TTC28: variants seen among roughly 807,000 people sequenced by gnomAD.
TTC28 encodes the protein tetratricopeptide repeat protein 28.
A neutral mutation model predicts 198.0 loss-of-function variants in TTC28; 61 were observed. That is an observed-to-expected ratio of 0.31 (90% confidence interval 0.25 to 0.38). The LOEUF (loss-of-function observed/expected upper bound fraction) is 0.38, where lower values mean the gene tolerates loss of function less well. TTC28 is among the 10% of genes least tolerant of loss of function. TTC28 has a pLI of 1.00. For synonymous variants in TTC28, 1,171 were observed against 1,297.8 expected (o/e 0.90, Z 2.10); for missense variants, 2,678 against 3,164.0 (o/e 0.85, Z 3.69).
At chr22:28,229,054 G>C (rs1008854895) in intron 5 of TTC28, among the ~76,000 whole-genome samples, 5 of 152,036 alleles carry the variant, frequency 3.3e-5, no homozygotes, top group Admixed American at 6.5e-5. Context: ...TACTCAGGAG[G>C]CTGAGGCAGG....
At chr22:28,565,747 A>G (rs547098666) in intron 2 of TTC28, among the ~76,000 whole-genome samples, 118 of 152,326 alleles carry the variant, frequency 7.7e-4, no homozygotes, top group African/African-American at 2.8e-3. Flanking sequence ...TAATGAAATG[A>G]TTAATTAATA....
At chr22:28,091,115 C>G (rs554823564) in intron 12 of TTC28, among the ~76,000 whole-genome samples, 5 of 152,318 alleles carry the variant, frequency 3.3e-5, no homozygotes, top group African/African-American at 1.2e-4. Flanking sequence ...AGTCTTTCCT[C>G]TCTCTCTACC....
intron 2 of TTC28, among the ~76,000 whole-genome samples, chr22:28,457,109 T>C (rs924108997): frequency 6.6e-6 from 1 of 152,238 alleles, no homozygotes; most frequent in African/African-American, 2.4e-5. Context: ...AAATAAAATA[T>C]GTCAGTATCT....
At chr22:28,326,303 A>C (rs2045529108) in intron 2 of TTC28, among the ~76,000 whole-genome samples, 1 of 152,168 alleles carries the variant, frequency 6.6e-6, no homozygotes, top group South Asian at 2.1e-4. Flanking sequence ...CCAGGGTTTT[A>C]AAGGTAGAAA....
intron 12 of TTC28, among the ~76,000 whole-genome samples, chr22:28,054,238 C>T (rs1025075259): frequency 3.9e-5 from 6 of 152,070 alleles, no homozygotes; most frequent in African/African-American, 1.2e-4. Context: ...AGGATGGTCC[C>T]GCATGCAGCA....
chr22:28,349,153 C>T (rs2045952478), intron 2 of TTC28, among the ~76,000 whole-genome samples: 1 of 152,206 alleles, frequency 6.6e-6, no homozygotes, highest in Admixed American at 6.5e-5. Flanking sequence ...TTCCCAAGTT[C>T]ATCAGTTACA....
At chr22:28,177,547 T>C (rs1923284737) in intron 5 of TTC28, among the ~76,000 whole-genome samples, 1 of 152,226 alleles carries the variant, frequency 6.6e-6, no homozygotes, top group Admixed American at 6.5e-5. Context: ...CACGAAAACC[T>C]GTGCATGACT....
chr22:28,312,333 C>A (rs1430293171), intron 2 of TTC28, among the ~76,000 whole-genome samples: 4 of 152,132 alleles, frequency 2.6e-5, no homozygotes, highest in African/African-American at 9.7e-5. Context: ...ATATCCAGGA[C>A]TTGAACTCAG....
intron 7 of TTC28, among the ~76,000 whole-genome samples, chr22:28,106,061 A>G (rs1942289817): frequency 6.6e-6 from 1 of 152,244 alleles, no homozygotes; most frequent in Non-Finnish European, 1.5e-5. Context: ...CAGAGGAAAC[A>G]TAAAATATAT....
chr22:28,564,713 G>A (rs2146005229), intron 2 of TTC28, among the ~76,000 whole-genome samples: 1 of 151,136 alleles, frequency 6.6e-6, no homozygotes. Flanking sequence ...ATACTTCAAG[G>A]AACCCCAGAT....
At chr22:28,614,803 T>C (rs1332865819) in intron 2 of TTC28, among the ~76,000 whole-genome samples, 2 of 152,138 alleles carry the variant, frequency 1.3e-5, no homozygotes, top group African/African-American at 4.8e-5. Context: ...TCAAGATGGA[T>C]TAAAGACTTA....
chr22:28,380,888 T>C (rs1392753784), intron 2 of TTC28, among the ~76,000 whole-genome samples: 1 of 152,102 alleles, frequency 6.6e-6, no homozygotes, highest in African/African-American at 2.4e-5. Context: ...CTGGAAAAGT[T>C]TACAGGAATC....
intron 2 of TTC28, among the ~76,000 whole-genome samples, chr22:28,584,316 T>C (rs2050278109): frequency 6.6e-6 from 1 of 152,182 alleles, no homozygotes; most frequent in Non-Finnish European, 1.5e-5. Context: ...ATTCAAAATA[T>C]TCATTTCAAG....
intron 6 of TTC28, among the ~76,000 whole-genome samples, chr22:28,148,474 G>A (rs758006567): frequency 3.9e-5 from 6 of 152,004 alleles, no homozygotes; most frequent in Middle Eastern, 3.2e-3. Context: ...TTAGCTAGGC[G>A]CGGTGGCGGG....
chr22:28,016,371 A>G (rs1002154955), intron 13 of TTC28, among the ~76,000 whole-genome samples: 1 of 152,200 alleles, frequency 6.6e-6, no homozygotes, highest in African/African-American at 2.4e-5. Flanking sequence ...ACGCTTTGGC[A>G]TGACGCGCGG....
intron 2 of TTC28, among the ~76,000 whole-genome samples, chr22:28,317,347 A>G (rs2045368644): frequency 6.6e-6 from 1 of 152,110 alleles, no homozygotes; most frequent in African/African-American, 2.4e-5. Context: ...ATATTTTGTT[A>G]TTATCTTATG....
chr22:27,987,370 C>G (rs1355927330), intron 21 of TTC28, among the ~76,000 whole-genome samples: 1 of 152,140 alleles, frequency 6.6e-6, no homozygotes, highest in Non-Finnish European at 1.5e-5. Context: ...GGGGAGGAAG[C>G]CTGGCTCCAC....
chr22:28,208,390 G>C (rs908729201), intron 5 of TTC28, among the ~76,000 whole-genome samples: 1 of 152,090 alleles, frequency 6.6e-6, no homozygotes, highest in East Asian at 1.9e-4. Flanking sequence ...TCCTAGAATA[G>C]CTGTAAACTT....
chr22:28,243,174 C>CCAAA, intron 5 of TTC28, among the ~76,000 whole-genome samples: 1 of 68,320 alleles, frequency 1.5e-5, no homozygotes, highest in Non-Finnish European at 2.6e-5. Context: ...CCCCTCTCTA[C>CCAAA]AAAAAAAAAA....
Sources: gnomAD v4.1 joint callset for allele counts (sites outside exome capture counted in the v4.1 genomes callset) on GRCh38, gnomAD v4.1.1 for gene constraint, MANE v1.5 for transcripts, NCBI Gene and HGNC (gene_info 2026-07-23, HGNC 2026-07-21) for gene names.